The following SIPA1L2 variants were observed in gnomAD, a reference collection of about 807,000 sequenced individuals.
SIPA1L2 encodes the protein signal-induced proliferation-associated 1-like protein 2.
Under a neutral mutation model 163.9 loss-of-function variants are expected in SIPA1L2, and 56 were observed. The observed-to-expected ratio is 0.34, with a 90% CI of 0.28 to 0.43. SIPA1L2 has a LOEUF of 0.43. SIPA1L2 is among the 20% of genes least tolerant of loss of function. The pLI, the probability that SIPA1L2 is intolerant of heterozygous loss-of-function variation, is 1.00. For synonymous variants in SIPA1L2, 877 were observed against 865.7 expected (o/e 1.01, Z -0.23); for missense variants, 1,974 against 2,193.5 (o/e 0.90, Z 2.00).
At chr1:232,585,732 A>G (rs553027374) in intron 1 of SIPA1L2, among the ~76,000 whole-genome samples, 1 of 152,310 alleles carries the variant, frequency 6.6e-6, no homozygotes, top group South Asian at 2.1e-4. Flanking sequence ...AAAACCTACC[A>G]AGGGAGGCAA....
At chr1:232,579,851 G>T (rs969144072) in intron 1 of SIPA1L2, among the ~76,000 whole-genome samples, 1 of 152,164 alleles carries the variant, frequency 6.6e-6, no homozygotes, top group African/African-American at 2.4e-5. Context: ...GGCCAGATGG[G>T]TGAAGCTTTT....
intron 2 of SIPA1L2, among the ~76,000 whole-genome samples, chr1:232,562,476 G>A (rs1659096933): frequency 6.6e-6 from 1 of 152,120 alleles, no homozygotes; most frequent in Admixed American, 6.5e-5. Flanking sequence ...TTTAATGGAA[G>A]GAGATAGAAT....
chr1:232,488,539 G>A (rs549754037), intron 5 of SIPA1L2, among the ~76,000 whole-genome samples: 2 of 152,264 alleles, frequency 1.3e-5, no homozygotes, highest in East Asian at 3.9e-4. Flanking sequence ...GAGTTTTAGG[G>A]AGTTAAAATG....
At chr1:232,598,102 T>C (rs1461299682) in intron 1 of SIPA1L2, among the ~76,000 whole-genome samples, 1 of 152,168 alleles carries the variant, frequency 6.6e-6, no homozygotes, top group African/African-American at 2.4e-5. Context: ...TCAATGTTCC[T>C]TTTAAAGACA....
At chr1:232,443,459 C>T (rs916164473) in intron 12 of SIPA1L2, 143 bp downstream of exon 12, 1 of 522,676 alleles carries the variant, frequency 1.9e-6, no homozygotes, top group Middle Eastern at 3.0e-4. Flanking sequence ...CCAACCTGGA[C>T]AAGTCACTTG....
intron 1 of SIPA1L2, among the ~76,000 whole-genome samples, chr1:232,588,972 A>C (rs2102822770): frequency 6.6e-6 from 1 of 152,314 alleles, no homozygotes; most frequent in East Asian, 1.9e-4. Context: ...TATGTGATTG[A>C]TAGAACTCAC....
At chr1:232,595,976 C>A (rs1049912600) in intron 1 of SIPA1L2, among the ~76,000 whole-genome samples, 1 of 152,130 alleles carries the variant, frequency 6.6e-6, no homozygotes, top group Non-Finnish European at 1.5e-5. Context: ...GCCCATAGAG[C>A]TCACTGGGAA....
At chr1:232,615,575 C>A (rs998610702) in intron 1 of SIPA1L2, among the ~76,000 whole-genome samples, 1 of 152,194 alleles carries the variant, frequency 6.6e-6, no homozygotes, top group East Asian at 1.9e-4. Context: ...AAGTGATTAC[C>A]ATTATTCCAT....
At chr1:232,443,973 G>A (rs139942528) in intron 11 of SIPA1L2, among the ~76,000 whole-genome samples, 1 of 152,062 alleles carries the variant, frequency 6.6e-6, no homozygotes, top group Non-Finnish European at 1.5e-5. Flanking sequence ...CCCTCCCAGA[G>A]AAATACAGAA....
At chr1:232,521,720 A>C (rs1461231143) in intron 2 of SIPA1L2, among the ~76,000 whole-genome samples, 1 of 152,042 alleles carries the variant, frequency 6.6e-6, no homozygotes, top group Non-Finnish European at 1.5e-5. Flanking sequence ...ACTGATTCTC[A>C]TTTGTCTCTT....
intron 1 of SIPA1L2, among the ~76,000 whole-genome samples, chr1:232,584,671 G>A (rs1052085332): frequency 1.3e-5 from 2 of 152,134 alleles, no homozygotes; most frequent in Admixed American, 6.5e-5. Context: ...CCTTTCAGAG[G>A]GTGACAGGGA....
chr1:232,571,940 G>T (rs760283486), intron 2 of SIPA1L2, among the ~76,000 whole-genome samples: 5 of 152,150 alleles, frequency 3.3e-5, no homozygotes, highest in Non-Finnish European at 7.3e-5. Flanking sequence ...TCCAGCCTCA[G>T]GTATTTCTTT....
rs766802998 is a variant in SIPA1L2, at chr1:232,441,401, C to A, written c.3539-7G>T. 6.3e-7 allele frequency: 1 copy of A among 1,597,000 alleles called. No homozygotes were observed. Among genetic ancestry groups the A allele is most frequent in the Non-Finnish European group, 8.5e-7 (1 of 1,174,044 alleles). ...GGGCCATGCCATTTGGTTTCTGTCA[C>A]ATAAAAAGAGAGGAGTTGAATTTCC... On this transcript the variant is annotated splice_region_variant and splice_polypyrimidine_tract_variant and intron_variant, in intron 13 of 22. Coordinates refer to ENST00000674635, the MANE Select transcript of SIPA1L2 (RefSeq NM_020808.5).
chr1:232,538,188 A>G (rs180856403), intron 2 of SIPA1L2, among the ~76,000 whole-genome samples: 1 of 152,284 alleles, frequency 6.6e-6, no homozygotes, highest in Non-Finnish European at 1.5e-5. Context: ...CGGTCAGGCC[A>G]GGATGGGGCC....
At chr1:232,413,404 G>GA (rs1166151229) in intron 19 of SIPA1L2, among the ~76,000 whole-genome samples, 16 of 150,420 alleles carry the variant, frequency 1.1e-4, no homozygotes, top group African/African-American at 2.9e-4. Flanking sequence ...TAATCCCCTG[G>GA]AAAAAAAAAT....
chr1:232,579,162 A>C (rs1191258298), intron 1 of SIPA1L2, among the ~76,000 whole-genome samples: 1 of 152,220 alleles, frequency 6.6e-6, no homozygotes, highest in African/African-American at 2.4e-5. Flanking sequence ...TTTTCTCCGC[A>C]AAAGAAAGTT....
chr1:232,507,755 A>G (rs191909569), intron 3 of SIPA1L2, among the ~76,000 whole-genome samples: 8 of 152,330 alleles, frequency 5.3e-5, no homozygotes, highest in Admixed American at 5.2e-4. Context: ...TGGCTGGTAA[A>G]TACCTGGCAT....
chr1:232,583,268 T>G (rs541561274), intron 1 of SIPA1L2, among the ~76,000 whole-genome samples: 140 of 152,268 alleles, frequency 9.2e-4, no homozygotes, highest in African/African-American at 3.1e-3. Flanking sequence ...TAGGAAGTAA[T>G]AGGCATCATC....
chr1:232,472,728 C>T (rs902893226), intron 7 of SIPA1L2, among the ~76,000 whole-genome samples: 4 of 152,316 alleles, frequency 2.6e-5, no homozygotes, highest in Non-Finnish European at 4.4e-5. Flanking sequence ...TGAAAGACCA[C>T]GACCTTACCC....
Sources: gnomAD v4.1 joint callset for allele counts (sites outside exome capture counted in the v4.1 genomes callset) on GRCh38, gnomAD v4.1.1 for gene constraint, MANE v1.5 for transcripts, NCBI Gene and HGNC (gene_info 2026-07-23, HGNC 2026-07-21) for gene names.